C1orf141: variants seen among roughly 807,000 people sequenced by gnomAD.
The protein encoded by C1orf141 is chromosome 1 open reading frame 141.
In C1orf141, 19 loss-of-function variants were observed where a neutral mutation model predicts 23.2. The ratio of observed to expected loss-of-function variants is 0.82; its 90% CI spans 0.57 to 1.20. The LOEUF is 1.20. C1orf141 is among the 50% of genes most tolerant of loss of function. C1orf141 has a pLI of 0.00. For synonymous variants in C1orf141, 153 were observed against 154.6 expected, an observed-to-expected ratio of 0.99 and a Z score of 0.08; for missense variants, 469 against 455.1, an observed-to-expected ratio of 1.03 and a Z score of -0.28.
upstream of C1orf141, among the ~76,000 whole-genome samples, chr1:67,135,487 T>C (rs1182998238): frequency 6.6e-6 from 1 of 152,200 alleles, no homozygotes; most frequent in East Asian, 1.9e-4. Context: ...GCAAGTTGTG[T>C]AGCAGACTTG....
chr1:67,098,967 A>G (rs915784749), intron 5 of C1orf141, among the ~76,000 whole-genome samples: 1 of 152,212 alleles, frequency 6.6e-6, no homozygotes, highest in Admixed American at 6.5e-5. Flanking sequence ...ATAAATAAAA[A>G]CCTGAAAGAA....
In C1orf141 at chr1:67,095,090, A is replaced by G. The variant is rs1431043770; in HGVS notation, c.603+145T>C. On this transcript the variant is annotated intron_variant, in intron 7 of 7. Transcript: ENST00000684719. ...GGGAGTTGTGCAAAGTGCATTAAGAACTTAAGTGCTGTTATCACTTTGGAA... is the reference window on the plus strand; with the variant it reads ...GGGAGTTGTGCAAAGTGCATTAAGAGCTTAAGTGCTGTTATCACTTTGGAA... 3 of 536,612 alleles carry G rather than the reference A, an allele frequency of 5.6e-6. No individual in the cohort carries two copies. In the East Asian group the frequency reaches 9.2e-5, roughly 17 times the overall value. The allele number at this position is 536,612 out of a possible 1,614,324, so 33.2% of individuals were successfully genotyped here.
At chr1:67,124,788 C>T (rs980262757) in intron 4 of C1orf141, among the ~76,000 whole-genome samples, 16 of 152,194 alleles carry the variant, frequency 1.1e-4, no homozygotes, top group African/African-American at 3.9e-4. Context: ...TTACTATACC[C>T]TATTCAATAG....
rs1424947166 is a variant in C1orf141 at position 67,127,256 on chromosome 1, T to A, written c.-16A>T. The A allele has an allele frequency of 6.5e-7, 1 of 1,547,854 alleles. No individual in the cohort carries two copies. The highest frequency in any genetic ancestry group is 1.4e-5 in the African/African-American group (1 of 73,478). ...TTTCTGCCATTGTCAATCACTAAAT[T>A]CCTATTTTAAAATAAGGAGGAAGAA... On this transcript the variant is annotated splice_region_variant and 5_prime_UTR_variant, in exon 3 of 8. Transcript: ENST00000684719.
intron 1 of C1orf141, among the ~76,000 whole-genome samples, chr1:67,140,200 G>T (rs1416030816): frequency 6.6e-6 from 1 of 152,106 alleles, no homozygotes; most frequent in Admixed American, 6.5e-5. Context: ...ATCTTGCAAG[G>T]CTTCACTTAC....
rs1455965513 is a variant in C1orf141 at position 67,095,341 on chromosome 1, G to A, written c.497C>T (p.Ser166Leu). The A allele has an allele frequency of 1.9e-6, 3 of 1,584,376 alleles. No homozygotes were observed. The East Asian group carries it at 6.7e-5, about 35-fold the overall frequency. Residue 166 changes from serine (S) to leucine (L), a missense_variant, in exon 7 of 8, where the codon TCA becomes TTA. Around this residue, in one of 3 missense-constraint regions of C1orf141, gnomAD observed 370 missense variants for 348.1 expected, o/e 1.06. Coordinates refer to ENST00000684719, the MANE Select transcript of C1orf141 (RefSeq NM_001276351.2). ...CGGGAGCAAGCTTTTCTTTCTTACT[G>A]ACCTATACTTACTTAATTGATAATT... Reference protein sequence around the residue: ...VRNYQLSKYRSVRKKSLLPLC... With the variant: ...VRNYQLSKYRLVRKKSLLPLC...
chr1:67,122,632 G>C (rs1214500962), intron 4 of C1orf141: 1 of 152,082 alleles, frequency 6.6e-6, no homozygotes, highest in Non-Finnish European at 1.5e-5. Context: ...TACAGTTATT[G>C]ATCTATTTAT....
At chr1:67,134,046 A>G (rs1646556622) in intron 1 of C1orf141, among the ~76,000 whole-genome samples, 1 of 152,158 alleles carries the variant, frequency 6.6e-6, no homozygotes, top group Non-Finnish European at 1.5e-5. Context: ...TCTGTCACCC[A>G]GGCTGGAGTG....
At chr1:67,101,303 C>T (rs896130650) in intron 5 of C1orf141, among the ~76,000 whole-genome samples, 2 of 152,114 alleles carry the variant, frequency 1.3e-5, no homozygotes, top group African/African-American at 2.4e-5. Context: ...AAGTTATGAT[C>T]GTTACATTTC....
upstream of C1orf141, among the ~76,000 whole-genome samples, chr1:67,135,138 A>G (rs116180595): frequency 2.2e-3 from 334 of 152,384 alleles, 2 homozygotes; most frequent in African/African-American, 7.7e-3. Flanking sequence ...CCAGATGCTT[A>G]CGGATATTAA....
intron 2 of C1orf141, among the ~76,000 whole-genome samples, chr1:67,128,480 G>C (rs989139373): frequency 6.6e-6 from 1 of 152,044 alleles, no homozygotes; most frequent in Non-Finnish European, 1.5e-5. Context: ...GAGGCGGGCA[G>C]ATCACTTGAG....
At chr1:67,128,223 A>G (rs923995293) in intron 2 of C1orf141, among the ~76,000 whole-genome samples, 3 of 151,718 alleles carry the variant, frequency 2.0e-5, no homozygotes, top group African/African-American at 7.3e-5. Flanking sequence ...TGTATGAGAC[A>G]TCAGAACCTG....
intron 5 of C1orf141, 105 bp from the exon 6 acceptor site, chr1:67,096,426 C>T: frequency 1.6e-6 from 1 of 611,060 alleles, no homozygotes. Context: ...ATGGAAAGTA[C>T]CTAGTATAGT....
chr1:67,116,986 A>G (rs1646206085), intron 4 of C1orf141, among the ~76,000 whole-genome samples: 1 of 151,976 alleles, frequency 6.6e-6, no homozygotes, highest in Admixed American at 6.6e-5. Flanking sequence ...TTATATATTC[A>G]TTTGTTTATT....
intron 5 of C1orf141, among the ~76,000 whole-genome samples, chr1:67,096,597 T>A (rs572178699): frequency 5.4e-4 from 82 of 152,322 alleles, no homozygotes; most frequent in African/African-American, 1.8e-3. Flanking sequence ...AATTTTCAAA[T>A]CTTTCTGATA....
chr1:67,105,933 GAA>G (rs1645917100), intron 5 of C1orf141, among the ~76,000 whole-genome samples: 1 of 152,172 alleles, frequency 6.6e-6, no homozygotes, highest in Non-Finnish European at 1.5e-5. Context: ...AGGAATGCTA[GAA>G]AGAAGAGAGC....
intron 4 of C1orf141, among the ~76,000 whole-genome samples, chr1:67,117,376 T>C (rs928818925): frequency 2.6e-5 from 4 of 152,146 alleles, no homozygotes; most frequent in African/African-American, 9.7e-5. Context: ...TGAGCTGAGA[T>C]CGTGCCACTG....
chr1:67,139,656 G>C (rs543364268), upstream of C1orf141, among the ~76,000 whole-genome samples: 1 of 152,300 alleles, frequency 6.6e-6, no homozygotes, highest in South Asian at 2.1e-4. Flanking sequence ...CCCTCCGAAA[G>C]TCATGTTGAA....
In C1orf141 at chr1:67,095,278, T is replaced by C; in HGVS notation, c.560A>G (p.Lys187Arg). The change falls in exon 7 of 8, where the codon AAG (lysine) becomes AGG (arginine). Residue 187 changes from lysine (K) to arginine (R), a missense_variant. By Grantham distance (26) the Lys-to-Arg change is conservative (BLOSUM62 2). Around this residue, in one of 3 missense-constraint regions of C1orf141, gnomAD observed 370 missense variants for 348.1 expected, o/e 1.06. Transcript: ENST00000684719. ...FEDELKNPHA[K>R]IVNVSPTKTV... The stretch of plus-strand genomic sequence containing the variant: ...CTTTGTTGGACTAACGTTGACTATC[T>C]TGGCATGTGGATTTTTCAATTCATC... 1 of 1,606,186 alleles carries C rather than the reference T, an allele frequency of 6.2e-7. No homozygotes were observed. The highest frequency in any genetic ancestry group is 2.2e-5 in the East Asian group (1 of 44,842).
Sources: allele counts gnomAD v4.1 joint callset (sites outside exome capture counted in the v4.1 genomes callset), GRCh38; gene constraint gnomAD v4.1.1; regional missense constraint gnomAD v4.1.1; transcripts MANE v1.5; gene names NCBI Gene and HGNC (gene_info 2026-07-23, HGNC 2026-07-21).